Variants in PAK2 observed in about 807,000 individuals in gnomAD.
The protein encoded by PAK2 is serine/threonine-protein kinase PAK 2.
A neutral mutation model predicts 65.9 loss-of-function variants in PAK2; 21 were observed. That is an observed-to-expected ratio of 0.32 (90% CI 0.23 to 0.46). The LOEUF is 0.46. Among genes scored for constraint, PAK2 ranks in the 20% least tolerant of loss-of-function variants. The pLI, the probability that PAK2 is intolerant of heterozygous loss-of-function variation, is 1.00. For missense variants in PAK2, 324 were observed against 642.6 expected, an observed-to-expected ratio of 0.50 and a Z score of 5.36; for synonymous variants, 204 against 219.7, an observed-to-expected ratio of 0.93 and a Z score of 0.63.
At chr3:196,823,987 T>C (rs1337745727) in intron 13 of PAK2, among the ~76,000 whole-genome samples, 1 of 151,542 alleles carries the variant, frequency 6.6e-6, no homozygotes, top group Non-Finnish European at 1.5e-5. Context: ...AGCCTGTACA[T>C]GAAGTGAAGG....
chr3:196,750,771 C>A (rs13078499), intron 1 of PAK2, among the ~76,000 whole-genome samples: 16 of 145,370 alleles, frequency 1.1e-4, no homozygotes, highest in South Asian at 4.4e-4. Flanking sequence ...AAAAAAAAAA[C>A]CAAAACATGT....
chr3:196,787,765 A>G (rs1718414), intron 2 of PAK2, among the ~76,000 whole-genome samples: 15,517 of 151,948 alleles, frequency 0.1, 925 homozygotes, highest in South Asian at 0.15. Context: ...GGAGGGTAGG[A>G]TGCTTCTTGA....
Position 196,806,584 on chromosome 3 carries a change from T to C in PAK2, c.474T>C (p.Asn158=), listed in dbSNP as rs769261167. 6.2e-7 allele frequency: 1 copy of C among 1,602,134 alleles called. No homozygotes were observed. Among genetic ancestry groups the C allele is most frequent in the South Asian group, 1.1e-5 (1 of 90,860 alleles). ...DGFPSGTPAL[N]AKGTEAPAVV... ...TTTGCTCATCATCAATGCAGCTGAA[T>C]GCCAAGGGAACAGAAGCACCCGCAG... The change falls in exon 6 of 15, where the codon AAT becomes AAC. Residue 158 remains asparagine (N), a synonymous_variant. Transcript: ENST00000327134.
In PAK2 at chr3:196,811,211, C is replaced by A; in HGVS notation, c.773+558C>A. 1.2e-4 allele frequency among the ~76,000 whole-genome samples: 7 copies of A among 59,620 alleles called. 1 individual carries two copies. The highest frequency in any genetic ancestry group is 4.8e-4 in the African/African-American group (5 of 10,428). The allele number at this position is 59,620 out of a possible 152,430, so 39.1% of individuals were successfully genotyped here. A position where few individuals can be genotyped will look rare whatever the true frequency, so the allele number is the denominator to read the frequency against. ...TATGAATTCCTTCCTCCCTTCCTTC[C>A]CTTCCCTCCCTCCCTTCCCTTCCCT... On this transcript the variant is annotated intron_variant, in intron 8 of 14. Coordinates refer to ENST00000327134, the MANE Select transcript of PAK2 (RefSeq NM_002577.4).
At chr3:196,825,708 G>T (rs568949273) in intron 13 of PAK2, among the ~76,000 whole-genome samples, 4 of 152,110 alleles carry the variant, frequency 2.6e-5, no homozygotes, top group Admixed American at 6.5e-5. Context: ...GAAATAATTA[G>T]AACTATGTAA....
chr3:196,774,801 T>C (rs1294070585), intron 1 of PAK2, among the ~76,000 whole-genome samples: 1 of 152,184 alleles, frequency 6.6e-6, no homozygotes, highest in Non-Finnish European at 1.5e-5. Flanking sequence ...TTAAGGTATA[T>C]TTAACCAATT....
intron 9 of PAK2, 25 bp downstream of exon 9, chr3:196,812,292 G>C: frequency 7.0e-7 from 1 of 1,424,920 alleles, no homozygotes; most frequent in Non-Finnish European, 9.9e-7. Context: ...GTAATCCTGG[G>C]TGTTACCATT....
At chr3:196,752,227 A>G (rs1713628423) in intron 1 of PAK2, among the ~76,000 whole-genome samples, 1 of 152,098 alleles carries the variant, frequency 6.6e-6, no homozygotes, top group Non-Finnish European at 1.5e-5. Flanking sequence ...CATTCTATGT[A>G]TTATACCACT....
chr3:196,824,209 C>T (rs562025384), intron 13 of PAK2, among the ~76,000 whole-genome samples: 4 of 152,290 alleles, frequency 2.6e-5, no homozygotes, highest in South Asian at 2.1e-4. Context: ...CTCCCTCTCT[C>T]GTCTGTACAT....
At position 196,754,293 on chromosome 3, in the gene PAK2, A is replaced by G. The variant is rs367592600; in HGVS notation, c.-22+14136A>G. ...GTGGTTTTCTTTTGCTATTAGGATC[A>G]GTGCTGGATTTCTTACTGCCTACTT... is the stretch of plus-strand genomic sequence containing the variant. On this transcript the variant is annotated intron_variant, in intron 1 of 14. Transcript: ENST00000327134. Among the ~76,000 whole-genome samples the G allele has an allele frequency of 3.3e-5, 5 of 152,144 alleles. No individual in the cohort carries two copies. The East Asian group carries it at 7.7e-4, about 23-fold the overall frequency.
intron 11 of PAK2, among the ~76,000 whole-genome samples, chr3:196,816,019 CCTT>C (rs922403802): frequency 4.6e-5 from 7 of 152,078 alleles, no homozygotes; most frequent in Admixed American, 2.0e-4. Context: ...CAAAAATAAG[CCTT>C]CTTTTTTCCA....
chr3:196,788,853 G>A (rs1427835870), intron 2 of PAK2, among the ~76,000 whole-genome samples: 1 of 152,196 alleles, frequency 6.6e-6, no homozygotes, highest in Non-Finnish European at 1.5e-5. Context: ...GGTGTTACTG[G>A]AAAGCAGAGA....
At chr3:196,825,701 A>G (rs931829049) in intron 13 of PAK2, among the ~76,000 whole-genome samples, 4 of 152,310 alleles carry the variant, frequency 2.6e-5, no homozygotes, top group African/African-American at 9.6e-5. Context: ...TGTAAAGGAA[A>G]TAATTAGAAC....
At chr3:196,742,836 GAT>G (rs1713250836) in intron 1 of PAK2, among the ~76,000 whole-genome samples, 1 of 152,118 alleles carries the variant, frequency 6.6e-6, no homozygotes. Flanking sequence ...AGAATGGCGT[GAT>G]GAACCCGGGA....
chr3:196,746,389 T>C (rs1234848375), intron 1 of PAK2, among the ~76,000 whole-genome samples: 1 of 152,212 alleles, frequency 6.6e-6, no homozygotes, highest in Non-Finnish European at 1.5e-5. Context: ...TGAGGATATG[T>C]AATAGTAAAT....
rs1009608651 is a variant in PAK2 at position 196,828,224 on chromosome 3, A to T, written c.1489-95A>T. On this transcript the variant is annotated intron_variant, in intron 14 of 14. Coordinates refer to ENST00000327134, the MANE Select transcript of PAK2 (RefSeq NM_002577.4). ...TGTTTAGTTTATTAAATTATGATCGACAAGTAGTCTTTGGGGCTTAATTGA... is the reference window on the plus strand; with the variant it reads ...TGTTTAGTTTATTAAATTATGATCGTCAAGTAGTCTTTGGGGCTTAATTGA... 7.0e-6 allele frequency: 5 copies of T among 713,196 alleles called. No individual in the cohort carries two copies. In the African/African-American group the frequency reaches 8.9e-5, roughly 13 times the overall value. 44.2% of individuals were successfully genotyped at this position (713,196 alleles called of 1,614,324 possible).
chr3:196,813,561 T>C (rs1715897431), intron 10 of PAK2, among the ~76,000 whole-genome samples: 1 of 152,092 alleles, frequency 6.6e-6, no homozygotes, highest in Non-Finnish European at 1.5e-5. Context: ...TAGAGGTGAT[T>C]ATAGGTGATT....
Position 196,832,246 on chromosome 3 carries a change from G to T in PAK2, c.*3841G>T, listed in dbSNP as rs1560124144. 1 of 152,114 alleles carries T rather than the reference G, an allele frequency of 6.6e-6. No individual in the cohort carries two copies. 9.4% of individuals were successfully genotyped at this position (152,114 alleles called of 1,614,324 possible). Reference sequence around the variant, plus strand: ...GAGAACAGAAGTAATAAGAGAAACAGTTACGTGTGGAATTCAACATCTTTG... The same window carrying T: ...GAGAACAGAAGTAATAAGAGAAACATTTACGTGTGGAATTCAACATCTTTG... On this transcript the variant is annotated 3_prime_UTR_variant, in exon 15 of 15. Transcript: ENST00000327134.
At chr3:196,754,900 T>C (rs843531) in intron 1 of PAK2, among the ~76,000 whole-genome samples, 70,905 of 152,076 alleles carry the variant, frequency 0.47, 16,992 homozygotes, top group Non-Finnish European at 0.53. Context: ...TTGATTCTGC[T>C]TTGATTCTTC....
Sources: gnomAD v4.1 joint callset for allele counts (sites outside exome capture counted in the v4.1 genomes callset) on GRCh38, gnomAD v4.1.1 for gene constraint, MANE v1.5 for transcripts, NCBI Gene and HGNC (gene_info 2026-07-23, HGNC 2026-07-21) for gene names.